The following CNTNAP5 variants were observed in gnomAD, a reference collection of about 807,000 sequenced individuals.
CNTNAP5 encodes contactin associated protein family member 5.
A neutral mutation model predicts 150.2 loss-of-function variants in CNTNAP5; 72 were observed. The observed-to-expected ratio is 0.48, with a 90% confidence interval of 0.40 to 0.58. The LOEUF (loss-of-function observed/expected upper bound fraction) is 0.58, where lower values mean the gene tolerates loss of function less well. CNTNAP5 is among the 20% of genes least tolerant of loss of function. The probability of loss-of-function intolerance (pLI) is 0.00; values close to 1 mark genes in which losing one functional copy is unlikely to be tolerated. For missense variants in CNTNAP5, 1,636 were observed against 1,626.2 expected (o/e 1.01, Z -0.10); for synonymous variants, 672 against 619.8 (o/e 1.08, Z -1.25).
chr2:124,637,390 G>A (rs1247408498), intron 12 of CNTNAP5, among the ~76,000 whole-genome samples: 2 of 152,186 alleles, frequency 1.3e-5, no homozygotes, highest in African/African-American at 2.4e-5. Flanking sequence ...TTTAATCAGT[G>A]TAGAACATTT....
chr2:124,459,624 G>A (rs769684498), intron 6 of CNTNAP5, among the ~76,000 whole-genome samples: 2 of 151,796 alleles, frequency 1.3e-5, no homozygotes, highest in Non-Finnish European at 2.9e-5. Context: ...TGGTGCACAC[G>A]CCTGTAATTT....
rs1239012646 is a variant in CNTNAP5, at chr2:124,919,202, A to T, written c.*4914A>T. 6.6e-6 allele frequency among the ~76,000 whole-genome samples: 1 copy of T among 152,060 alleles called. No individual in the cohort carries two copies. Among genetic ancestry groups the T allele is most frequent in the African/African-American group, 2.4e-5 (1 of 41,424 alleles). ...CTTTTCTCTTGAACATTCTACATAC[A>T]TATCTGTTTGGTAGGGAGAGAAGCA... On this transcript the variant is annotated 3_prime_UTR_variant, in exon 24 of 24. Coordinates refer to ENST00000682447, the MANE Select transcript of CNTNAP5 (RefSeq NM_001367498.1).
intron 1 of CNTNAP5, among the ~76,000 whole-genome samples, chr2:124,194,791 T>C (rs1378551084): frequency 6.6e-6 from 1 of 151,536 alleles, no homozygotes; most frequent in Non-Finnish European, 1.5e-5. Flanking sequence ...ATGTGTAATA[T>C]AGAAATACAA....
At chr2:124,593,225 G>A (rs1354409988) in intron 11 of CNTNAP5, among the ~76,000 whole-genome samples, 25 of 143,718 alleles carry the variant, frequency 1.7e-4, no homozygotes, top group Middle Eastern at 3.6e-3. Context: ...ATGCTGGTGC[G>A]CTGCACCCAC....
intron 11 of CNTNAP5, among the ~76,000 whole-genome samples, chr2:124,582,076 T>G (rs1696427189): frequency 1.3e-5 from 2 of 152,234 alleles, no homozygotes; most frequent in Admixed American, 1.3e-4. Context: ...GAAATCCAAG[T>G]GATCTGGAAA....
At chr2:124,907,397 A>G (rs1375124461) in intron 22 of CNTNAP5, among the ~76,000 whole-genome samples, 3 of 151,510 alleles carry the variant, frequency 2.0e-5, no homozygotes. Flanking sequence ...CTATATATAC[A>G]TAGATATTTC....
At chr2:124,605,289 G>T (rs976899012) in intron 11 of CNTNAP5, among the ~76,000 whole-genome samples, 3 of 152,166 alleles carry the variant, frequency 2.0e-5, no homozygotes, top group Non-Finnish European at 4.4e-5. Context: ...TTTTATGTGT[G>T]TTTGTTTTTA....
At chr2:124,764,242 CA>C in intron 16 of CNTNAP5, 95 bp downstream of exon 16, 1 of 900,112 alleles carries the variant, frequency 1.1e-6, no homozygotes, top group Non-Finnish European at 1.8e-6. Context: ...TTTGTACCAG[CA>C]AATTAATCTC....
intron 12 of CNTNAP5, among the ~76,000 whole-genome samples, chr2:124,610,921 C>T (rs945043670): frequency 6.8e-6 from 1 of 148,092 alleles, no homozygotes. Context: ...CGTGCCACTG[C>T]ACTCCAGCCT....
At chr2:124,667,020 C>T (rs538620639) in intron 13 of CNTNAP5, among the ~76,000 whole-genome samples, 4 of 102,612 alleles carry the variant, frequency 3.9e-5, no homozygotes, top group South Asian at 2.9e-4. Flanking sequence ...TTAAGAAGAA[C>T]GATGGGGGAA....
At chr2:124,797,580 A>G (rs1681873199) in intron 18 of CNTNAP5, among the ~76,000 whole-genome samples, 1 of 152,192 alleles carries the variant, frequency 6.6e-6, no homozygotes, top group African/African-American at 2.4e-5. Context: ...ATGATTTACC[A>G]ACATCATAGA....
intron 8 of CNTNAP5, among the ~76,000 whole-genome samples, chr2:124,507,006 C>G (rs1337857526): frequency 6.6e-6 from 1 of 152,154 alleles, no homozygotes; most frequent in African/African-American, 2.4e-5. Flanking sequence ...AAATGAATTA[C>G]AGACAAATTA....
chr2:124,083,695 T>C (rs962797509), intron 1 of CNTNAP5, among the ~76,000 whole-genome samples: 7 of 152,130 alleles, frequency 4.6e-5, no homozygotes, highest in South Asian at 2.1e-4. Flanking sequence ...TTCACAGTCT[T>C]GATTGCTGTA....
chr2:124,404,712 A>G (rs770532321), intron 3 of CNTNAP5, among the ~76,000 whole-genome samples: 1 of 152,040 alleles, frequency 6.6e-6, no homozygotes, highest in African/African-American at 2.4e-5. Flanking sequence ...CTATGTGCTT[A>G]TTTTCTTTTC....
intron 22 of CNTNAP5, 97 bp from the exon 23 acceptor site, chr2:124,911,370 T>C (rs1678651056): frequency 1.2e-6 from 1 of 813,824 alleles, no homozygotes; most frequent in Non-Finnish European, 2.1e-6. Flanking sequence ...GCACCTGGTG[T>C]AATGCACAGG....
chr2:124,705,540 AT>A (rs1573559679), intron 13 of CNTNAP5, among the ~76,000 whole-genome samples: 2 of 152,116 alleles, frequency 1.3e-5, no homozygotes, highest in South Asian at 2.1e-4. Flanking sequence ...AAAAATAAAA[AT>A]AATAAATAAA....
At chr2:124,680,248 C>G (rs1679035780) in intron 13 of CNTNAP5, among the ~76,000 whole-genome samples, 1 of 151,844 alleles carries the variant, frequency 6.6e-6, no homozygotes, top group Non-Finnish European at 1.5e-5. Context: ...GGTTAGGTTC[C>G]TCCTTTGGAA....
chr2:124,477,060 G>C lies in CNTNAP5; in HGVS notation c.1062+2178G>C, dbSNP rs1693658174. 3.3e-5 allele frequency among the ~76,000 whole-genome samples: 5 copies of C among 152,004 alleles called. No individual in the cohort carries two copies. In the South Asian group the frequency reaches 1.0e-3, roughly 32 times the overall value. On this transcript the variant is annotated intron_variant, in intron 7 of 23. Transcript: ENST00000682447. Reference sequence around the variant, plus strand: ...TCCCCACCATTCAGAGATATTTTAGGTAAGTTTTATACATAATTCCTATAG... The same window carrying C: ...TCCCCACCATTCAGAGATATTTTAGCTAAGTTTTATACATAATTCCTATAG...
intron 17 of CNTNAP5, among the ~76,000 whole-genome samples, chr2:124,786,390 AGAAAGAAAGAAGGAAGGAAGGAAG>A (rs1469440757): frequency 4.8e-4 from 36 of 74,748 alleles, no homozygotes; most frequent in Admixed American, 3.3e-3. Context: ...AAAGAAAGAA[AGAAAGAAAGAAGGAAGGAAGGAAG>A]GAAGGAAGGA....
Sources: allele counts gnomAD v4.1 joint callset (sites outside exome capture counted in the v4.1 genomes callset), GRCh38; gene constraint gnomAD v4.1.1; transcripts MANE v1.5; gene names NCBI Gene and HGNC (gene_info 2026-07-23, HGNC 2026-07-21).